The following FHIT variants were observed in gnomAD, a reference collection of about 807,000 sequenced individuals.
FHIT encodes the protein bis(5'-adenosyl)-triphosphatase.
A neutral mutation model predicts 17.9 loss-of-function variants in FHIT; 19 were observed. That is an observed-to-expected ratio of 1.06 (90% CI 0.74 to 1.56). The LOEUF (loss-of-function observed/expected upper bound fraction) is 1.56, where lower values mean the gene tolerates loss of function less well. FHIT is among the 40% of genes most tolerant of loss of function. The probability of loss-of-function intolerance (pLI) is 0.00; values close to 1 mark genes in which losing one functional copy is unlikely to be tolerated. For missense variants in FHIT, 248 were observed against 189.2 expected (o/e 1.31, Z -1.82); for synonymous variants, 81 against 69.7 (o/e 1.16, Z -0.81).
intron 5 of FHIT, among the ~76,000 whole-genome samples, chr3:60,398,729 C>T (rs1047184427): frequency 2.0e-5 from 3 of 151,966 alleles, no homozygotes; most frequent in Admixed American, 6.6e-5. Flanking sequence ...ACCCAATAAT[C>T]CAAATTTTGT....
At chr3:61,126,332 T>C (rs1327055011) in intron 2 of FHIT, among the ~76,000 whole-genome samples, 2 of 152,168 alleles carry the variant, frequency 1.3e-5, no homozygotes, top group Non-Finnish European at 2.9e-5. Context: ...TCCATTTTCA[T>C]ACTGCTATAA....
intron 4 of FHIT, among the ~76,000 whole-genome samples, chr3:60,723,121 T>C (rs1485018951): frequency 6.6e-6 from 1 of 152,180 alleles, no homozygotes; most frequent in African/African-American, 2.4e-5. Flanking sequence ...GCATGGATTG[T>C]ATTGCCAGCT....
At position 60,860,813 on chromosome 3, in the gene FHIT, C is replaced by CTGATATATATGAACATATGT. The variant is rs1703746473; in HGVS notation, c.-110-38803_-110-38802insACATATGTTCATATATATCA. ...ATATGATACATATGTACATATATAT[C>CTGATATATATGAACATATGT]AGGTATATATGATACATATGTACAT... On this transcript the variant is annotated intron_variant, in intron 3 of 9. Coordinates refer to ENST00000492590, the MANE Select transcript of FHIT (RefSeq NM_002012.4). 3.9e-4 allele frequency among the ~76,000 whole-genome samples: 6 copies of CTGATATATATGAACATATGT among 15,318 alleles called. 2 individuals carry two copies. Among genetic ancestry groups the CTGATATATATGAACATATGT allele is most frequent in the African/African-American group, 8.2e-4 (6 of 7,306 alleles). 10.0% of individuals were successfully genotyped at this position (15,318 alleles called of 152,430 possible). A position where few individuals can be genotyped will look rare whatever the true frequency, so the allele number is the denominator to read the frequency against.
intron 4 of FHIT, among the ~76,000 whole-genome samples, chr3:60,809,799 T>G (rs1223619241): frequency 2.6e-5 from 4 of 152,170 alleles, no homozygotes; most frequent in Non-Finnish European, 4.4e-5. Flanking sequence ...CTGGTAAGAT[T>G]AGTCTTGACT....
chr3:60,504,390 C>T (rs537005467), intron 5 of FHIT, among the ~76,000 whole-genome samples: 1 of 151,038 alleles, frequency 6.6e-6, no homozygotes, highest in South Asian at 2.1e-4. Flanking sequence ...GCCAAGATCT[C>T]CACTGCACTC....
At chr3:61,236,504 A>G (rs1237402508) in intron 1 of FHIT, among the ~76,000 whole-genome samples, 1 of 152,158 alleles carries the variant, frequency 6.6e-6, no homozygotes, top group Non-Finnish European at 1.5e-5. Context: ...ACTCTTCTAC[A>G]GAGGGCAGGG....
intron 5 of FHIT, among the ~76,000 whole-genome samples, chr3:60,039,341 G>T (rs1701345557): frequency 6.6e-6 from 1 of 152,142 alleles, no homozygotes; most frequent in South Asian, 2.1e-4. Context: ...CATACATGGG[G>T]CTTTGGCATA....
chr3:61,188,772 T>C (rs1026570138), intron 2 of FHIT, among the ~76,000 whole-genome samples: 1 of 152,074 alleles, frequency 6.6e-6, no homozygotes, highest in South Asian at 2.1e-4. Context: ...ACAAGGCTGG[T>C]TCAATACACT....
chr3:59,988,084 C>A (rs897524196), intron 7 of FHIT, among the ~76,000 whole-genome samples: 1 of 152,080 alleles, frequency 6.6e-6, no homozygotes, highest in South Asian at 2.1e-4. Context: ...TGCGTATCAG[C>A]TTTTCAAGTA....
rs533179265 is a variant in FHIT, at chr3:59,866,265, C to T, written c.348+56081G>A. 1.9e-4 allele frequency among the ~76,000 whole-genome samples: 29 copies of T among 151,662 alleles called. 3 individuals carry two copies. In the South Asian group the frequency reaches 5.4e-3, roughly 28 times the overall value. ...GTGAGATCCAGGAAGAACCATTCCA[C>T]GCAGAGGAAGTGGCCAGTACAGACA... On this transcript the variant is annotated intron_variant, in intron 8 of 9. Coordinates refer to ENST00000492590, the MANE Select transcript of FHIT (RefSeq NM_002012.4).
intron 7 of FHIT, among the ~76,000 whole-genome samples, chr3:59,967,815 C>A (rs12495052): frequency 0.089 from 13,188 of 148,798 alleles, 805 homozygotes; most frequent in South Asian, 0.15. Flanking sequence ...ATTAGATGAA[C>A]AAAGGAAGAA....
chr3:61,006,963 G>A (rs1380078479), intron 3 of FHIT, among the ~76,000 whole-genome samples: 1 of 152,154 alleles, frequency 6.6e-6, no homozygotes, highest in Non-Finnish European at 1.5e-5. Context: ...TGCAGTTTGA[G>A]ATATAAAATG....
chr3:59,911,378 G>A (rs1311329444), intron 8 of FHIT, among the ~76,000 whole-genome samples: 1 of 152,178 alleles, frequency 6.6e-6, no homozygotes, highest in African/African-American at 2.4e-5. Flanking sequence ...TATTCTCTGG[G>A]TTGGGTGTAG....
At chr3:60,508,827 T>G (rs1219829802) in intron 5 of FHIT, among the ~76,000 whole-genome samples, 1 of 152,034 alleles carries the variant, frequency 6.6e-6, no homozygotes, top group Non-Finnish European at 1.5e-5. Context: ...CAGCTTAGCT[T>G]CTCAAAAAGC....
At chr3:60,167,447 T>C (rs74817446) in intron 5 of FHIT, among the ~76,000 whole-genome samples, 1 of 152,324 alleles carries the variant, frequency 6.6e-6, no homozygotes, top group East Asian at 1.9e-4. Flanking sequence ...CATTTTGCAG[T>C]TTAGACTCTT....
intron 3 of FHIT, among the ~76,000 whole-genome samples, chr3:60,961,288 T>C (rs1553780686): frequency 6.6e-6 from 1 of 152,202 alleles, no homozygotes; most frequent in African/African-American, 2.4e-5. Flanking sequence ...TTGTTTGTTT[T>C]TTTCTTGTAA....
intron 5 of FHIT, among the ~76,000 whole-genome samples, chr3:60,441,868 T>A (rs1370167326): frequency 7.1e-6 from 1 of 141,110 alleles, no homozygotes; most frequent in Non-Finnish European, 1.5e-5. Flanking sequence ...TTTTTTTTTT[T>A]AATTTTAAGA....
chr3:59,779,554 C>T (rs991384564), intron 8 of FHIT, among the ~76,000 whole-genome samples: 1 of 152,098 alleles, frequency 6.6e-6, no homozygotes, highest in Non-Finnish European at 1.5e-5. Flanking sequence ...TGTATGCCTT[C>T]CATTCATGAA....
intron 2 of FHIT, among the ~76,000 whole-genome samples, chr3:61,054,853 T>C (rs12107589): frequency 0.26 from 39,546 of 152,044 alleles, 6,535 homozygotes; most frequent in African/African-American, 0.47. Context: ...TCACACCCTA[T>C]ACCCCTGGGA....
Sources: allele counts gnomAD v4.1 joint callset (sites outside exome capture counted in the v4.1 genomes callset), GRCh38; gene constraint gnomAD v4.1.1; transcripts MANE v1.5; gene names NCBI Gene and HGNC (gene_info 2026-07-23, HGNC 2026-07-21).